The following CCDC171 variants were observed in gnomAD, a reference collection of about 807,000 sequenced individuals.
CCDC171 encodes coiled-coil domain containing 171.
In CCDC171, 177 loss-of-function variants were observed where a neutral mutation model predicts 168.2. That is an observed-to-expected ratio of 1.05 (90% confidence interval 0.93 to 1.19). The LOEUF (loss-of-function observed/expected upper bound fraction) is 1.19. Among genes scored for constraint, CCDC171 ranks in the 50% most tolerant of loss-of-function variants. The probability of loss-of-function intolerance (pLI) is 0.00; values close to 1 mark genes in which losing one functional copy is unlikely to be tolerated. For missense variants in CCDC171, 1,991 were observed against 1,539.0 expected, an observed-to-expected ratio of 1.29 and a Z score of -4.91; for synonymous variants, 687 against 540.8, an observed-to-expected ratio of 1.27 and a Z score of -3.75.
At chr9:15,818,956 A>G (rs1476253731) in intron 21 of CCDC171, among the ~76,000 whole-genome samples, 1 of 117,640 alleles carries the variant, frequency 8.5e-6, no homozygotes, top group East Asian at 2.1e-4. Flanking sequence ...AGGTTGGGTT[A>G]CCCACAAAGG....
chr9:15,588,133 G>A lies in CCDC171; in HGVS notation c.353-3233G>A, dbSNP rs147224794. 5.6e-3 allele frequency among the ~76,000 whole-genome samples: 847 copies of A among 152,246 alleles called. 12 individuals carry two copies. Among genetic ancestry groups the A allele is most frequent in the African/African-American group, 0.02 (818 of 41,548 alleles). On this transcript the variant is annotated intron_variant, in intron 4 of 25. Transcript: ENST00000380701. ...GCCTGTAATCCCAGCTACTCGGGAG[G>A]CTGAGGTGGGAGAATCACTTGAACC...
intron 24 of CCDC171, among the ~76,000 whole-genome samples, chr9:15,890,978 T>G (rs1305198866): frequency 6.6e-6 from 1 of 152,140 alleles, no homozygotes; most frequent in Non-Finnish European, 1.5e-5. Context: ...GCATAAAATA[T>G]TTTCTCTCTT....
chr9:15,971,603 T>C lies in CCDC171; in HGVS notation c.3754-6T>C. ...GTTTATTATTTTTTTCTTTTGTATGTCACAGATAGGATCACGAGACCATTC... is the reference window on the plus strand; with the variant it reads ...GTTTATTATTTTTTTCTTTTGTATGCCACAGATAGGATCACGAGACCATTC... On this transcript the variant is annotated splice_region_variant and splice_polypyrimidine_tract_variant and intron_variant, in intron 25 of 25. Coordinates refer to ENST00000380701, the MANE Select transcript of CCDC171 (RefSeq NM_173550.4). The C allele has an allele frequency of 8.7e-6, 14 of 1,605,044 alleles. No individual in the cohort carries two copies. The highest frequency in any genetic ancestry group is 1.2e-5 in the Non-Finnish European group (14 of 1,173,232).
At chr9:15,896,569 G>A (rs1325940819) in intron 24 of CCDC171, among the ~76,000 whole-genome samples, 1 of 152,010 alleles carries the variant, frequency 6.6e-6, no homozygotes, top group Non-Finnish European at 1.5e-5. Context: ...ATCACATCAA[G>A]TCAGTTTACA....
intron 21 of CCDC171, among the ~76,000 whole-genome samples, chr9:15,806,439 A>G (rs553423715): frequency 1.3e-5 from 2 of 152,218 alleles, no homozygotes; most frequent in South Asian, 4.2e-4. Context: ...GTGGTAATGA[A>G]TTCCCTTAGC....
chr9:15,639,310 C>A (rs1265019539), intron 7 of CCDC171, among the ~76,000 whole-genome samples: 1 of 151,874 alleles, frequency 6.6e-6, no homozygotes, highest in Non-Finnish European at 1.5e-5. Flanking sequence ...TTAAATGCAG[C>A]ATTTTATGTT....
chr9:15,560,856 C>A (rs1038945743), intron 1 of CCDC171, among the ~76,000 whole-genome samples: 2 of 151,376 alleles, frequency 1.3e-5, no homozygotes, highest in Non-Finnish European at 2.9e-5. Flanking sequence ...TTTCTCCCAT[C>A]TTTGTGGTTT....
chr9:16,017,581 A>C (rs1012495423), intron 3 of CCDC171, among the ~76,000 whole-genome samples: 1 of 152,188 alleles, frequency 6.6e-6, no homozygotes, highest in African/African-American at 2.4e-5. Flanking sequence ...TTACCTCATC[A>C]CTTACCAAAA....
intron 20 of CCDC171, among the ~76,000 whole-genome samples, chr9:15,783,790 G>GT (rs1461838617): frequency 4.6e-5 from 7 of 152,158 alleles, no homozygotes; most frequent in Non-Finnish European, 1.0e-4. Context: ...TAAAAACCAT[G>GT]TTGTGTGTTA....
At chr9:15,625,498 G>A (rs940055428) in intron 7 of CCDC171, among the ~76,000 whole-genome samples, 2 of 152,132 alleles carry the variant, frequency 1.3e-5, no homozygotes, top group Non-Finnish European at 2.9e-5. Flanking sequence ...TTTGTATAAG[G>A]TGTAAGGAAG....
chr9:15,877,123 C>A (rs912361676), intron 24 of CCDC171, among the ~76,000 whole-genome samples: 2 of 151,970 alleles, frequency 1.3e-5, no homozygotes, highest in African/African-American at 4.8e-5. Context: ...ATGGAGAAAA[C>A]CTCAGTTCAA....
At chr9:15,715,682 CT>C (rs1052574953) in intron 11 of CCDC171, among the ~76,000 whole-genome samples, 21 of 152,218 alleles carry the variant, frequency 1.4e-4, no homozygotes, top group African/African-American at 5.1e-4. Flanking sequence ...CTAATTCTCC[CT>C]TCTTGGGATC....
At chr9:15,860,119 C>T (rs1025566251) in intron 23 of CCDC171, among the ~76,000 whole-genome samples, 2 of 149,032 alleles carry the variant, frequency 1.3e-5, no homozygotes, top group African/African-American at 5.0e-5. Flanking sequence ...TCTGTGGTAT[C>T]AGTTATAATT....
chr9:15,629,113 A>G (rs1422938137), intron 7 of CCDC171, among the ~76,000 whole-genome samples: 5 of 152,094 alleles, frequency 3.3e-5, no homozygotes, highest in Non-Finnish European at 7.4e-5. Flanking sequence ...AAACTCTAAA[A>G]AGCAGAGCGC....
chr9:15,859,912 C>G (rs898064919), intron 23 of CCDC171, among the ~76,000 whole-genome samples: 1 of 151,878 alleles, frequency 6.6e-6, no homozygotes, highest in African/African-American at 2.4e-5. Context: ...AAGCACTCCT[C>G]CCACCTTGGC....
At position 16,029,089 on chromosome 9, in the gene CCDC171, G is replaced by C. The variant is rs1268015045; in HGVS notation, n.998+6181G>C. Among the ~76,000 whole-genome samples the C allele has an allele frequency of 2.6e-5, 4 of 152,124 alleles. No homozygotes were observed. In the East Asian group the frequency reaches 7.8e-4, roughly 30 times the overall value. ...TCCAAATGGAAGACGGCAGGCGCTG[G>C]GTCGAGAAAGTTTAAGATTTTTAGA... On this transcript the variant is annotated intron_variant and non_coding_transcript_variant, in intron 6 of 9. Coordinates refer to the CCDC171 transcript ENST00000486641.
chr9:15,988,950 C>G (rs113222781), intron 3 of CCDC171, among the ~76,000 whole-genome samples: 11,665 of 152,114 alleles, frequency 0.077, 1,468 homozygotes, highest in African/African-American at 0.27. Flanking sequence ...CTGGGTGGAG[C>G]CCACCGCGGC....
chr9:15,851,115 C>G (rs1452905968), intron 23 of CCDC171, among the ~76,000 whole-genome samples: 2 of 151,928 alleles, frequency 1.3e-5, no homozygotes, highest in African/African-American at 4.8e-5. Flanking sequence ...TGTTAAGGAA[C>G]TTAACCTGAA....
intron 4 of CCDC171, among the ~76,000 whole-genome samples, chr9:15,586,700 C>A (rs992686606): frequency 6.6e-6 from 1 of 152,116 alleles, no homozygotes; most frequent in African/African-American, 2.4e-5. Flanking sequence ...GAGGTTTAAT[C>A]CCTGGAGATG....
Sources: gnomAD v4.1 joint callset for allele counts (sites outside exome capture counted in the v4.1 genomes callset) on GRCh38, gnomAD v4.1.1 for gene constraint, MANE v1.5 for transcripts, NCBI Gene and HGNC (gene_info 2026-07-23, HGNC 2026-07-21) for gene names.